Variants in TAFA2 observed in about 807,000 individuals in gnomAD.
TAFA2 encodes the protein chemokine-like protein TAFA-2.
TAFA2 carries 7 observed loss-of-function variants against 18.8 expected under a neutral mutation model. The ratio of observed to expected loss-of-function variants is 0.37; its 90% CI spans 0.21 to 0.70. The LOEUF is 0.70. TAFA2 is among the 30% of genes least tolerant of loss of function. The pLI is 0.53. For missense variants in TAFA2, 122 were observed against 158.1 expected (o/e 0.77, Z 1.23); for synonymous variants, 60 against 54.2 (o/e 1.11, Z -0.47).
chr12:61,742,198 A>AT (rs1868488040), intron 4 of TAFA2, among the ~76,000 whole-genome samples: 1 of 152,056 alleles, frequency 6.6e-6, no homozygotes, highest in African/African-American at 2.4e-5. Context: ...CCCAGCCCAT[A>AT]TTTATTCTTA....
chr12:61,962,668 T>G (rs185152969), intron 1 of TAFA2, among the ~76,000 whole-genome samples: 3 of 152,180 alleles, frequency 2.0e-5, no homozygotes, highest in Non-Finnish European at 4.4e-5. Context: ...GTGCATATCT[T>G]TTTACATTTC....
At chr12:62,141,533 A>G (rs185579111) in intron 1 of TAFA2, among the ~76,000 whole-genome samples, 1 of 152,258 alleles carries the variant, frequency 6.6e-6, no homozygotes, top group East Asian at 1.9e-4. Flanking sequence ...ATTCAAACAA[A>G]GAATTTTGCC....
chr12:61,952,794 CAGAATCAGGCATTCTCCCT>C (rs1470143079), intron 1 of TAFA2, among the ~76,000 whole-genome samples: 4 of 151,932 alleles, frequency 2.6e-5, no homozygotes, highest in African/African-American at 4.8e-5. Context: ...TTACATGTCT[CAGAATCAGGCATTCTCCCT>C]AATTAAATAC....
chr12:62,081,100 CAGG>C (rs34780976), intron 1 of TAFA2, among the ~76,000 whole-genome samples: 9,112 of 152,190 alleles, frequency 0.06, 379 homozygotes, highest in South Asian at 0.089. Flanking sequence ...GAGGCTGAGG[CAGG>C]AGAACAGCGT....
Position 62,029,442 on chromosome 12 carries a change from G to A in TAFA2, c.-2+161817C>T, listed in dbSNP as rs144431296. Among the ~76,000 whole-genome samples, 507 of 152,230 alleles carry A rather than the reference G, an allele frequency of 3.3e-3. 4 individuals carry two copies. Among genetic ancestry groups the A allele is most frequent in the African/African-American group, 0.011 (472 of 41,530 alleles). On this transcript the variant is annotated intron_variant, in intron 1 of 4. Coordinates refer to ENST00000416284, the MANE Select transcript of TAFA2 (RefSeq NM_178539.5). Reference sequence around the variant, plus strand: ...TAACAAACTCATCTAAGGTCACATAGCTAATAATTAGCAGGTTGTCTGCTT... The same window carrying A: ...TAACAAACTCATCTAAGGTCACATAACTAATAATTAGCAGGTTGTCTGCTT...
At chr12:61,853,073 C>A (rs1257228659) in intron 2 of TAFA2, among the ~76,000 whole-genome samples, 2 of 152,056 alleles carry the variant, frequency 1.3e-5, no homozygotes, top group Admixed American at 6.5e-5. Context: ...AAAATGGTAA[C>A]CATGTGAGGT....
At chr12:61,961,774 C>G (rs575784703) in intron 1 of TAFA2, among the ~76,000 whole-genome samples, 1 of 151,874 alleles carries the variant, frequency 6.6e-6, no homozygotes. Flanking sequence ...TTTGTTTGTC[C>G]GGAGGGTAAC....
chr12:61,958,010 T>C (rs531326501), intron 1 of TAFA2, among the ~76,000 whole-genome samples: 1 of 152,184 alleles, frequency 6.6e-6, no homozygotes, highest in Admixed American at 6.6e-5. Context: ...CAATAGCATC[T>C]CACCCCAGCT....
At chr12:61,782,642 A>G (rs538393240) in intron 2 of TAFA2, among the ~76,000 whole-genome samples, 1 of 151,858 alleles carries the variant, frequency 6.6e-6, no homozygotes, top group East Asian at 2.0e-4. Flanking sequence ...GTTTCAGAAT[A>G]AATCTCTTCA....
chr12:61,967,158 T>C (rs1213230238), intron 1 of TAFA2, among the ~76,000 whole-genome samples: 1 of 151,824 alleles, frequency 6.6e-6, no homozygotes, highest in East Asian at 1.9e-4. Flanking sequence ...TGAGTGCATC[T>C]TTTTCTATGT....
intron 1 of TAFA2, among the ~76,000 whole-genome samples, chr12:62,231,956 C>G (rs1429786333): frequency 6.6e-6 from 1 of 152,156 alleles, no homozygotes; most frequent in East Asian, 1.9e-4. Context: ...TATCCTCCAC[C>G]TTGGCATCCC....
At chr12:61,942,140 TGACC>T (rs1878055258) in intron 1 of TAFA2, among the ~76,000 whole-genome samples, 1 of 149,600 alleles carries the variant, frequency 6.7e-6, no homozygotes, top group Non-Finnish European at 1.5e-5. Flanking sequence ...AGTGGGTCCC[TGACC>T]CCTGACCCCC....
At chr12:62,008,459 A>T (rs1047130541) in intron 1 of TAFA2, among the ~76,000 whole-genome samples, 1 of 152,310 alleles carries the variant, frequency 6.6e-6, no homozygotes, top group African/African-American at 2.4e-5. Flanking sequence ...AGAAAACAAA[A>T]TTTAAATGTG....
At position 61,983,140 on chromosome 12, in the gene TAFA2, T is replaced by C. The variant is rs895289646; in HGVS notation, c.-1-115714A>G. On this transcript the variant is annotated intron_variant, in intron 1 of 4. Coordinates refer to ENST00000416284, the MANE Select transcript of TAFA2 (RefSeq NM_178539.5). ...AGACTATTTGGAAGCTAAAAAGCTA[T>C]ACAGTGCTGGAATATGACATATTTT... Among the ~76,000 whole-genome samples, 5 of 152,176 alleles carry C rather than the reference T, an allele frequency of 3.3e-5. No individual in the cohort carries two copies. The East Asian group carries it at 7.7e-4, about 24-fold the overall frequency.
chr12:61,789,037 A>T (rs1325283958), intron 2 of TAFA2, among the ~76,000 whole-genome samples: 2 of 151,876 alleles, frequency 1.3e-5, no homozygotes, highest in Non-Finnish European at 2.9e-5. Flanking sequence ...TAGATTCTGG[A>T]TATTAGCCCT....
Position 61,813,560 on chromosome 12 carries a change from G to T in TAFA2, c.106+53760C>A, listed in dbSNP as rs1006325879. Among the ~76,000 whole-genome samples, 5 of 151,186 alleles carry T rather than the reference G, an allele frequency of 3.3e-5. 1 individual carries two copies. The East Asian group carries it at 5.8e-4, about 17-fold the overall frequency. ...ATTTTCCCAATAACAAAAGTATGGT[G>T]AATATTAGCCTGCAATTTGTACAAG... On this transcript the variant is annotated intron_variant, in intron 2 of 4. Transcript: ENST00000416284.
At chr12:61,809,533 A>C (rs930187981) in intron 2 of TAFA2, among the ~76,000 whole-genome samples, 2 of 151,194 alleles carry the variant, frequency 1.3e-5, no homozygotes, top group Non-Finnish European at 2.9e-5. Flanking sequence ...AAAATATGTC[A>C]TACATAGCTC....
chr12:61,875,829 A>G (rs1457130212), intron 1 of TAFA2, among the ~76,000 whole-genome samples: 1 of 151,656 alleles, frequency 6.6e-6, no homozygotes, highest in Non-Finnish European at 1.5e-5. Context: ...AACAGGTGGT[A>G]GGAGACAAGC....
intron 2 of TAFA2, among the ~76,000 whole-genome samples, chr12:61,792,825 G>T (rs184318571): frequency 6.6e-6 from 1 of 151,370 alleles, no homozygotes; most frequent in African/African-American, 2.4e-5. Flanking sequence ...TATATTCAGA[G>T]ATTAAACACC....
Sources: gnomAD v4.1 joint callset for allele counts (sites outside exome capture counted in the v4.1 genomes callset) on GRCh38, gnomAD v4.1.1 for gene constraint, MANE v1.5 for transcripts, NCBI Gene and HGNC (gene_info 2026-07-23, HGNC 2026-07-21) for gene names.